TBC1D12: variants seen among roughly 807,000 people sequenced by gnomAD.
The protein encoded by TBC1D12 is TBC1 domain family, member 12.
TBC1D12 carries 56 observed loss-of-function variants against 86.7 expected under a neutral mutation model. The observed-to-expected ratio is 0.65, with a 90% CI of 0.52 to 0.81. The LOEUF (loss-of-function observed/expected upper bound fraction) is 0.81. Ranked by LOEUF, TBC1D12 falls within the 30% of genes least tolerant of loss-of-function variation. The probability of loss-of-function intolerance (pLI) is 0.00; values close to 1 mark genes in which losing one functional copy is unlikely to be tolerated. For missense variants in TBC1D12, 1,023 were observed against 1,038.8 expected, an observed-to-expected ratio of 0.98 and a Z score of 0.21; for synonymous variants, 421 against 411.7, an observed-to-expected ratio of 1.02 and a Z score of -0.27.
intron 2 of TBC1D12, among the ~76,000 whole-genome samples, chr10:94,458,488 A>G (rs2055662639): frequency 6.6e-6 from 1 of 152,194 alleles, no homozygotes. Context: ...AGATCAATTA[A>G]GAATAAGAAA....
intron 2 of TBC1D12, among the ~76,000 whole-genome samples, chr10:94,472,502 T>C (rs2055923610): frequency 6.6e-6 from 1 of 152,228 alleles, no homozygotes; most frequent in South Asian, 2.1e-4. Flanking sequence ...GCTTGGCCTT[T>C]GTTTGCATGG....
chr10:94,463,121 CT>C (rs1336108224), intron 2 of TBC1D12, among the ~76,000 whole-genome samples: 4 of 152,210 alleles, frequency 2.6e-5, no homozygotes, highest in Non-Finnish European at 5.9e-5. Context: ...TCTTTTGTTA[CT>C]GCCTTTACTT....
intron 3 of TBC1D12, among the ~76,000 whole-genome samples, chr10:94,476,576 T>C (rs1230294942): frequency 6.6e-6 from 1 of 152,190 alleles, no homozygotes; most frequent in Non-Finnish European, 1.5e-5. Flanking sequence ...GTTAAAGATC[T>C]TTAGACTTTG....
In TBC1D12 at chr10:94,534,475, A is replaced by G. The variant is rs771228974; in HGVS notation, c.*1379A>G. ...TAGCAGGTTTTAAATCATCATGCCC[A>G]TGGAGGTGAAATACTTTGAGGAATG... is the stretch of plus-strand genomic sequence containing the variant. On this transcript the variant is annotated 3_prime_UTR_variant, in exon 13 of 13. Transcript: ENST00000225235. The G allele has an allele frequency of 6.6e-6, 1 of 152,186 alleles. No homozygotes were observed. The highest frequency in any genetic ancestry group is 1.5e-5 in the Non-Finnish European group (1 of 68,030). The allele number at this position is 152,186 out of a possible 1,614,324, so 9.4% of individuals were successfully genotyped here.
Position 94,402,972 on chromosome 10 carries a change from C to T in TBC1D12, c.359C>T (p.Ala120Val), listed in dbSNP as rs750098039. 3.8e-6 allele frequency: 6 copies of T among 1,575,162 alleles called. No individual in the cohort carries two copies. In the African/African-American group the frequency reaches 5.7e-5, roughly 15 times the overall value. The change falls in exon 1 of 13, where the codon GCG (alanine) becomes GTG (valine). Residue 120 changes from alanine to valine, a missense_variant. By Grantham distance (64) the Ala-to-Val change is moderately conservative. This residue lies in a region of TBC1D12 where 628 missense variants were observed against 531.1 expected (regional missense o/e 1.18). Coordinates refer to ENST00000225235, the MANE Select transcript of TBC1D12 (RefSeq NM_015188.2). ...GGCTCGGGCTCCAAACACCGCGGCG[C>T]GGAGGTGGCTGATGGCCGCGCGCCG... is the stretch of plus-strand genomic sequence containing the variant. ...LLGSGSKHRGAEVADGRAPRH... is the reference protein window; with the variant it reads ...LLGSGSKHRGVEVADGRAPRH...
At chr10:94,459,241 C>T (rs969683075) in intron 2 of TBC1D12, among the ~76,000 whole-genome samples, 5 of 151,968 alleles carry the variant, frequency 3.3e-5, no homozygotes, top group Non-Finnish European at 7.4e-5. Context: ...TCGCCAAGTC[C>T]CCACTAGATT....
At chr10:94,438,099 G>A (rs565764174) in intron 1 of TBC1D12, among the ~76,000 whole-genome samples, 2 of 144,710 alleles carry the variant, frequency 1.4e-5, no homozygotes, top group African/African-American at 5.1e-5. Flanking sequence ...CTTTTTCTAG[G>A]GAATGGGCCA....
intron 11 of TBC1D12, among the ~76,000 whole-genome samples, chr10:94,528,558 A>G (rs2134234735): frequency 6.6e-6 from 1 of 152,318 alleles, no homozygotes; most frequent in South Asian, 2.1e-4. Flanking sequence ...GCAGAGGCTC[A>G]TACCTGTAAT....
At chr10:94,529,258 T>A (rs1002727485) in intron 11 of TBC1D12, among the ~76,000 whole-genome samples, 2 of 152,182 alleles carry the variant, frequency 1.3e-5, no homozygotes, top group Non-Finnish European at 2.9e-5. Flanking sequence ...TCCTCCCACA[T>A]TGGCCTCCCA....
At chr10:94,524,471 TG>T (rs1268767315) in intron 11 of TBC1D12, among the ~76,000 whole-genome samples, 1 of 152,222 alleles carries the variant, frequency 6.6e-6, no homozygotes, top group Non-Finnish European at 1.5e-5. Context: ...CAGGGCATGA[TG>T]GCTCACGCCT....
chr10:94,512,564 T>C (rs1239152188), intron 9 of TBC1D12, among the ~76,000 whole-genome samples: 1 of 152,172 alleles, frequency 6.6e-6, no homozygotes, highest in Non-Finnish European at 1.5e-5. Context: ...AATACCTCAA[T>C]GAACAAAATG....
intron 1 of TBC1D12, among the ~76,000 whole-genome samples, chr10:94,440,175 C>CT (rs986878961): frequency 6.5e-4 from 94 of 145,668 alleles, no homozygotes; most frequent in South Asian, 1.1e-3. Context: ...CTTTTCCTTT[C>CT]TTTTTTTTTT....
At chr10:94,409,665 G>A (rs1026837118) in intron 1 of TBC1D12, among the ~76,000 whole-genome samples, 1 of 152,012 alleles carries the variant, frequency 6.6e-6, no homozygotes, top group Non-Finnish European at 1.5e-5. Flanking sequence ...CATGAGCTAC[G>A]CATCTGGCCA....
At chr10:94,503,250 TG>T (rs2056421554) in intron 6 of TBC1D12, among the ~76,000 whole-genome samples, 1 of 152,214 alleles carries the variant, frequency 6.6e-6, no homozygotes, top group African/African-American at 2.4e-5. Flanking sequence ...AAGACATATA[TG>T]TTAACATCCA....
intron 2 of TBC1D12, among the ~76,000 whole-genome samples, chr10:94,456,557 A>G (rs1004914089): frequency 6.6e-6 from 1 of 152,228 alleles, no homozygotes; most frequent in Non-Finnish European, 1.5e-5. Context: ...CTGTTATTTT[A>G]AACTTGTTAA....
In TBC1D12 at chr10:94,459,643, G is replaced by A. The variant is rs146904141; in HGVS notation, c.1096-15025G>A. On this transcript the variant is annotated intron_variant, in intron 2 of 12. Coordinates refer to ENST00000225235, the MANE Select transcript of TBC1D12 (RefSeq NM_015188.2). ...GACTGCAGGTCCTGAGCCCTGCCCCGTGGGGAGGTGGCTGAGGCCCAGCGA... is the reference window on the plus strand; with the variant it reads ...GACTGCAGGTCCTGAGCCCTGCCCCATGGGGAGGTGGCTGAGGCCCAGCGA... Among the ~76,000 whole-genome samples, 359 of 152,336 alleles carry A rather than the reference G, an allele frequency of 2.4e-3. 1 individual carries two copies. The highest frequency in any genetic ancestry group is 8.2e-3 in the African/African-American group (340 of 41,572).
Position 94,437,214 on chromosome 10 carries a change from TTTGACTATA to T in TBC1D12, c.972-4681_972-4673del, listed in dbSNP as rs1157236974. On this transcript the variant is annotated intron_variant, in intron 1 of 12. Transcript: ENST00000225235. ...CAAAATTGTCTTTGAGTTTCAGCAG[TTTGACTATA>T]ATGTATCTCAGTGTGAACCTCCTTG... 1.7e-3 allele frequency among the ~76,000 whole-genome samples: 264 copies of T among 152,316 alleles called. 1 individual carries two copies. The highest frequency in any genetic ancestry group is 6.1e-3 in the African/African-American group (255 of 41,582).
chr10:94,414,842 C>T (rs185393044), intron 1 of TBC1D12, among the ~76,000 whole-genome samples: 104 of 152,228 alleles, frequency 6.8e-4, no homozygotes, highest in African/African-American at 2.4e-3. Context: ...TGAAGTGATC[C>T]GCCCACTGCG....
intron 9 of TBC1D12, among the ~76,000 whole-genome samples, chr10:94,512,966 A>C (rs188290143): frequency 1.1e-4 from 17 of 151,704 alleles, no homozygotes; most frequent in Admixed American, 9.2e-4. Context: ...GTCCCCAGGC[A>C]TGCCGGGCGT....
Sources: allele counts gnomAD v4.1 joint callset (sites outside exome capture counted in the v4.1 genomes callset), GRCh38; gene constraint gnomAD v4.1.1; regional missense constraint gnomAD v4.1.1; transcripts MANE v1.5; gene names NCBI Gene and HGNC (gene_info 2026-07-23, HGNC 2026-07-21).